Variants in C6orf89 observed in about 807,000 individuals in gnomAD.
C6orf89 encodes bombesin receptor-activated protein C6orf89.
A neutral mutation model predicts 40.7 loss-of-function variants in C6orf89; 29 were observed. The ratio of observed to expected loss-of-function variants is 0.71; its 90% confidence interval spans 0.53 to 0.97. The LOEUF (loss-of-function observed/expected upper bound fraction) is 0.97. C6orf89 is among the 50% of genes least tolerant of loss of function. C6orf89 has a pLI of 0.00. For missense variants in C6orf89, 392 were observed against 429.1 expected, an observed-to-expected ratio of 0.91 and a Z score of 0.76; for synonymous variants, 165 against 152.2, an observed-to-expected ratio of 1.08 and a Z score of -0.62.
chr6:36,875,282 T>A (rs972733719), intron 1 of C6orf89, among the ~76,000 whole-genome samples: 2 of 152,224 alleles, frequency 1.3e-5, no homozygotes, highest in African/African-American at 2.4e-5. Flanking sequence ...AAAACAATTC[T>A]ATAAGTAGAT....
intron 1 of C6orf89, among the ~76,000 whole-genome samples, chr6:36,891,648 T>C (rs1002582724): frequency 6.6e-6 from 1 of 152,172 alleles, no homozygotes; most frequent in African/African-American, 2.4e-5. Context: ...CTGGATAAAA[T>C]AGAATGGAAT....
At chr6:36,896,827 G>C (rs1203197034) in intron 2 of C6orf89, among the ~76,000 whole-genome samples, 1 of 151,884 alleles carries the variant, frequency 6.6e-6, no homozygotes, top group Non-Finnish European at 1.5e-5. Context: ...GTTAATTTTT[G>C]TGTATAGTAT....
At chr6:36,907,318 CA>C in intron 4 of C6orf89, among the ~76,000 whole-genome samples, 1 of 145,266 alleles carries the variant, frequency 6.9e-6, no homozygotes, top group South Asian at 2.1e-4. Flanking sequence ...TTGTTTTTGC[CA>C]GGTAAATAAT....
Position 36,919,668 on chromosome 6 carries a change from T to C in C6orf89, c.916T>C (p.Ser306Pro). 1 of 1,614,114 alleles carries C rather than the reference T, an allele frequency of 6.2e-7. No individual in the cohort carries two copies. The stretch of plus-strand genomic sequence containing the variant: ...CTTCCAGTGCCGAAGACATTGTCAG[T>C]CTGTGGCCATGCCAATAGAGCCAGG... ...PPFQCRRHCQ[S>P]VAMPIEPGDI... is the part of the protein sequence containing the mutation. Residue 306 changes from serine to proline, a missense_variant, in exon 8 of 9, where the codon TCT becomes CCT. By Grantham distance (74) the Ser-to-Pro change is moderately conservative. Coordinates refer to ENST00000480824, the MANE Select transcript of C6orf89 (RefSeq NM_001286635.2).
At chr6:36,917,629 A>G (rs145398750) in intron 7 of C6orf89, among the ~76,000 whole-genome samples, 35 of 152,334 alleles carry the variant, frequency 2.3e-4, no homozygotes, top group African/African-American at 8.4e-4. Context: ...TGTTAAAGGA[A>G]TTTAAAAGCC....
intron 8 of C6orf89, 132 bp from the exon 9 acceptor site, chr6:36,923,215 A>G: frequency 1.6e-6 from 1 of 622,384 alleles, no homozygotes; most frequent in Non-Finnish European, 2.8e-6. Context: ...ACTAAATTAA[A>G]TAGAAAAAGA....
In C6orf89 at chr6:36,886,022, C is replaced by A; in HGVS notation, c.-126C>A. 1 of 1,257,654 alleles carries A rather than the reference C, an allele frequency of 8.0e-7. No homozygotes were observed. The highest frequency in any genetic ancestry group is 1.0e-6 in the Non-Finnish European group (1 of 998,186). 77.9% of individuals were successfully genotyped at this position (1,257,654 alleles called of 1,614,324 possible). On this transcript the variant is annotated 5_prime_UTR_variant, in exon 1 of 9. Transcript: ENST00000480824. ...CGGGAGGAGCCCGAGGGGCGCGAGC[C>A]CCGCATGTGAGTGACTGGGGCCCGA...
At chr6:36,888,610 A>G (rs567796263) in intron 1 of C6orf89, among the ~76,000 whole-genome samples, 91 of 152,276 alleles carry the variant, frequency 6.0e-4, no homozygotes, top group Middle Eastern at 3.4e-3. Context: ...CTCCAGCCTG[A>G]GCGAAGAGTG....
upstream of C6orf89, among the ~76,000 whole-genome samples, chr6:36,882,633 C>T (rs745347853): frequency 6.6e-6 from 1 of 151,646 alleles, no homozygotes; most frequent in Non-Finnish European, 1.5e-5. Flanking sequence ...CCTGGAAAGA[C>T]GATCAAAGCT....
At chr6:36,893,192 C>A (rs11970506) in intron 1 of C6orf89, among the ~76,000 whole-genome samples, 31,750 of 151,724 alleles carry the variant, frequency 0.21, 3,351 homozygotes, top group East Asian at 0.29. Context: ...CCTCGGCCTC[C>A]CAAAGTGCTG....
Position 36,922,409 on chromosome 6 carries a change from A to G in C6orf89, c.950-938A>G, listed in dbSNP as rs1762544202. On this transcript the variant is annotated intron_variant, in intron 8 of 8. Transcript: ENST00000480824. ...AACTATAGGCACAATGATGTTCAGCATCACTGGGGATTATTGAAAGGTTGA... is the reference window on the plus strand; with the variant it reads ...AACTATAGGCACAATGATGTTCAGCGTCACTGGGGATTATTGAAAGGTTGA... 3.3e-5 allele frequency among the ~76,000 whole-genome samples: 5 copies of G among 152,306 alleles called. No homozygotes were observed. The South Asian group carries it at 1.0e-3, about 32-fold the overall frequency.
At chr6:36,877,847 T>C (rs886863942) in intron 1 of C6orf89, among the ~76,000 whole-genome samples, 2 of 149,832 alleles carry the variant, frequency 1.3e-5, no homozygotes, top group Non-Finnish European at 3.0e-5. Flanking sequence ...GTGATACCTT[T>C]TTGTGTTCAA....
chr6:36,878,090 C>T (rs9462234), intron 1 of C6orf89, among the ~76,000 whole-genome samples: 30,197 of 152,124 alleles, frequency 0.2, 3,245 homozygotes, highest in East Asian at 0.28. Flanking sequence ...TAGAACTTAT[C>T]TTGGTGTATG....
intron 1 of C6orf89, among the ~76,000 whole-genome samples, chr6:36,893,014 A>C (rs998846142): frequency 6.6e-6 from 1 of 151,566 alleles, no homozygotes; most frequent in African/African-American, 2.4e-5. Context: ...TGCTCACTGC[A>C]AGCTCTGTCT....
intron 1 of C6orf89, among the ~76,000 whole-genome samples, chr6:36,893,584 A>AT (rs1396426630): frequency 2.0e-5 from 3 of 152,098 alleles, no homozygotes; most frequent in Non-Finnish European, 4.4e-5. Context: ...AAAGAAACGT[A>AT]TTTTTTTGTG....
At chr6:36,909,107 A>G (rs1025850847) in intron 4 of C6orf89, among the ~76,000 whole-genome samples, 7 of 150,486 alleles carry the variant, frequency 4.7e-5, no homozygotes, top group African/African-American at 9.8e-5. Flanking sequence ...CCCTCTCTAT[A>G]TATTTTTGAG....
rs377437733 is a variant in C6orf89 at position 36,898,113 on chromosome 6, C to T, written c.-19-1313C>T. 4.4e-4 allele frequency among the ~76,000 whole-genome samples: 66 copies of T among 150,202 alleles called. 1 individual carries two copies. The highest frequency in any genetic ancestry group is 1.6e-3 in the African/African-American group (64 of 40,970). ...TTTTATTTCTCTAGAGATGGGATCTCGTTCTGTCTCCCAGGCTGGAGTGCA... is the reference window on the plus strand; with the variant it reads ...TTTTATTTCTCTAGAGATGGGATCTTGTTCTGTCTCCCAGGCTGGAGTGCA... On this transcript the variant is annotated intron_variant, in intron 2 of 8. Transcript: ENST00000480824.
At chr6:36,922,565 C>T (rs1028602334) in intron 8 of C6orf89, among the ~76,000 whole-genome samples, 2 of 152,182 alleles carry the variant, frequency 1.3e-5, no homozygotes, top group Non-Finnish European at 1.5e-5. Context: ...AGTAGGGTCT[C>T]GAGTCAGTCG....
chr6:36,917,649 A>C (rs751698783), intron 7 of C6orf89, among the ~76,000 whole-genome samples: 3 of 152,218 alleles, frequency 2.0e-5, no homozygotes, highest in Non-Finnish European at 4.4e-5. Flanking sequence ...CTATAAAAAC[A>C]ATCATTTTGT....
Sources: allele counts gnomAD v4.1 joint callset (sites outside exome capture counted in the v4.1 genomes callset), GRCh38; gene constraint gnomAD v4.1.1; transcripts MANE v1.5; gene names NCBI Gene and HGNC (gene_info 2026-07-23, HGNC 2026-07-21).